ATG10: variants seen among roughly 807,000 people sequenced by gnomAD.
The protein encoded by ATG10 is ubiquitin-like-conjugating enzyme ATG10.
ATG10 carries 30 observed loss-of-function variants against 32.1 expected under a neutral mutation model. The observed-to-expected ratio is 0.94, with a 90% CI of 0.70 to 1.27. The LOEUF (loss-of-function observed/expected upper bound fraction) is 1.27, where lower values mean the gene tolerates loss of function less well. Among genes scored for constraint, ATG10 ranks in the 50% most tolerant of loss-of-function variants. The pLI, the probability that ATG10 is intolerant of heterozygous loss-of-function variation, is 0.00. For synonymous variants in ATG10, 87 were observed against 91.5 expected, an observed-to-expected ratio of 0.95 and a Z score of 0.28; for missense variants, 233 against 262.3, an observed-to-expected ratio of 0.89 and a Z score of 0.77.
At chr5:82,098,393 C>G (rs1765143373) in intron 3 of ATG10, among the ~76,000 whole-genome samples, 1 of 145,926 alleles carries the variant, frequency 6.9e-6, no homozygotes, top group Non-Finnish European at 1.5e-5. Context: ...CTCACTGCAA[C>G]CTCCGCCTCC....
intron 2 of ATG10, among the ~76,000 whole-genome samples, chr5:82,019,331 T>C (rs1035410929): frequency 7.9e-5 from 12 of 152,168 alleles, no homozygotes; most frequent in Admixed American, 7.9e-4. Flanking sequence ...TCTATAATGA[T>C]ATGCAGCATA....
At chr5:82,198,648 A>G (rs2149958472) in intron 5 of ATG10, among the ~76,000 whole-genome samples, 1 of 152,322 alleles carries the variant, frequency 6.6e-6, no homozygotes, top group East Asian at 1.9e-4. Flanking sequence ...ACCTGAATCT[A>G]TGGTCTAAGA....
chr5:82,020,628 GC>G (rs1327933331), intron 2 of ATG10, among the ~76,000 whole-genome samples: 1 of 152,178 alleles, frequency 6.6e-6, no homozygotes, highest in East Asian at 1.9e-4. Context: ...TTGGCTGGGG[GC>G]TGGCCTAGGA....
intron 3 of ATG10, among the ~76,000 whole-genome samples, chr5:82,079,941 A>G (rs1397804910): frequency 6.6e-6 from 1 of 152,238 alleles, no homozygotes; most frequent in African/African-American, 2.4e-5. Context: ...GAATCGCCAC[A>G]CTGTCTTCCA....
rs76696431 is a variant in ATG10, at chr5:82,018,237, A to G, written c.108+30559A>G. ...CTCCATCCTTCCAGTTGCTCAAGCT[A>G]CTGGAACTATCTTTAACTCCTTTAT... is the stretch of plus-strand genomic sequence containing the variant. On this transcript the variant is annotated intron_variant, in intron 2 of 7. Transcript: ENST00000282185. Among the ~76,000 whole-genome samples the G allele has an allele frequency of 3.7e-3, 566 of 152,256 alleles. 10 individuals are homozygous for G. Among genetic ancestry groups the G allele is most frequent in the East Asian group, 0.01 (52 of 5,184 alleles).
At chr5:81,974,941 A>C (rs938474875) in intron 1 of ATG10, among the ~76,000 whole-genome samples, 59 of 152,106 alleles carry the variant, frequency 3.9e-4, no homozygotes, top group African/African-American at 1.4e-3. Flanking sequence ...CTTTCTTTCT[A>C]TATCCTCCTA....
chr5:82,082,646 A>T (rs1581670982), intron 3 of ATG10, among the ~76,000 whole-genome samples: 1 of 152,028 alleles, frequency 6.6e-6, no homozygotes, highest in Admixed American at 6.6e-5. Context: ...TCAGACATTT[A>T]TCCAACTGTT....
chr5:82,033,855 G>A (rs1762816476), intron 2 of ATG10, among the ~76,000 whole-genome samples: 1 of 149,932 alleles, frequency 6.7e-6, no homozygotes, highest in Non-Finnish European at 1.5e-5. Flanking sequence ...CATAGGTATA[G>A]ATGTACTATA....
intron 3 of ATG10, among the ~76,000 whole-genome samples, chr5:82,082,697 A>G (rs1423855466): frequency 6.6e-6 from 1 of 152,192 alleles, no homozygotes; most frequent in African/African-American, 2.4e-5. Flanking sequence ...TAAAATGGTT[A>G]GAAATTCATT....
intron 2 of ATG10, among the ~76,000 whole-genome samples, chr5:82,000,727 G>A (rs1395807814): frequency 6.6e-6 from 1 of 152,116 alleles, no homozygotes. Context: ...CACAATCTCG[G>A]CTCACTGCAA....
rs1437202615 is a variant in ATG10 at position 82,196,090 on chromosome 5, GTGTGAAGTATCCAAT to G, written c.453+17508_453+17522del. ...TTTTAAATTACAGCTATTCCACTGG[GTGTGAAGTATCCAAT>G]TGTGGTTTTGATTTGCACTTAGCTA... On this transcript the variant is annotated intron_variant, in intron 5 of 7. Transcript: ENST00000282185. 9.2e-5 allele frequency among the ~76,000 whole-genome samples: 14 copies of G among 152,222 alleles called. No individual in the cohort carries two copies. The East Asian group carries it at 1.5e-3, about 17-fold the overall frequency.
At chr5:82,061,777 C>CATATAT (rs1471634698) in intron 3 of ATG10, among the ~76,000 whole-genome samples, 1 of 70,144 alleles carries the variant, frequency 1.4e-5, no homozygotes, top group African/African-American at 4.3e-5. Flanking sequence ...TATACATGTA[C>CATATAT]ACATATATAT....
chr5:82,105,869 G>GA (rs370860990), intron 3 of ATG10, among the ~76,000 whole-genome samples: 1 of 151,994 alleles, frequency 6.6e-6, no homozygotes, highest in African/African-American at 2.4e-5. Flanking sequence ...ATTTCTTAAG[G>GA]AAAAAATGAT....
intron 4 of ATG10, among the ~76,000 whole-genome samples, chr5:82,177,454 G>C (rs1213786351): frequency 6.6e-6 from 1 of 152,022 alleles, no homozygotes; most frequent in Non-Finnish European, 1.5e-5. Context: ...TAAATATTCA[G>C]TATATTGCTA....
chr5:81,977,975 C>G (rs1023685966), intron 1 of ATG10, among the ~76,000 whole-genome samples: 26 of 151,962 alleles, frequency 1.7e-4, no homozygotes, highest in Non-Finnish European at 1.3e-4. Context: ...TTTTATTTTC[C>G]AAAATAAAAA....
intron 3 of ATG10, among the ~76,000 whole-genome samples, chr5:82,135,649 G>A (rs188354466): frequency 8.1e-4 from 124 of 152,242 alleles, no homozygotes; most frequent in African/African-American, 2.6e-3. Flanking sequence ...TTATGTGGTC[G>A]ATTTTAGGAT....
intron 3 of ATG10, among the ~76,000 whole-genome samples, chr5:82,067,930 T>A (rs1356665243): frequency 2.0e-5 from 3 of 152,212 alleles, no homozygotes; most frequent in Non-Finnish European, 4.4e-5. Context: ...TAGCAGCAGC[T>A]GTATACTTAA....
At chr5:82,077,814 T>C (rs1764328952) in intron 3 of ATG10, among the ~76,000 whole-genome samples, 1 of 152,236 alleles carries the variant, frequency 6.6e-6, no homozygotes, top group Non-Finnish European at 1.5e-5. Flanking sequence ...GATTTTCTTT[T>C]CTTTATAATG....
rs189381913 is a variant in ATG10, at chr5:82,128,673, G to A, written c.217-35726G>A. ...GAGAGATCCACTGTTGGGCTTCCCC[G>A]CAAAGGTCTGGTTACCCACAAAGGG... On this transcript the variant is annotated intron_variant, in intron 3 of 7. Transcript: ENST00000282185. Among the ~76,000 whole-genome samples the A allele has an allele frequency of 1.8e-3, 208 of 116,342 alleles. 1 individual carries two copies. The highest frequency in any genetic ancestry group is 2.1e-3 in the Non-Finnish European group (121 of 57,080). 76.3% of individuals were successfully genotyped at this position (116,342 alleles called of 152,430 possible).
Sources: gnomAD v4.1 joint callset for allele counts (sites outside exome capture counted in the v4.1 genomes callset) on GRCh38, gnomAD v4.1.1 for gene constraint, MANE v1.5 for transcripts, NCBI Gene and HGNC (gene_info 2026-07-23, HGNC 2026-07-21) for gene names.